PODNL1: variants seen among roughly 807,000 people sequenced by gnomAD.
The protein encoded by PODNL1 is podocan-like protein 1.
In PODNL1, 50 loss-of-function variants were observed where a neutral mutation model predicts 45.1. The observed-to-expected ratio is 1.11, with a 90% CI of 0.88 to 1.40. The LOEUF is 1.40. Ranked by LOEUF, PODNL1 falls within the 40% of genes most tolerant of loss-of-function variation. PODNL1 has a pLI of 0.00. For missense variants in PODNL1, 788 were observed against 793.3 expected (o/e 0.99, Z 0.08); for synonymous variants, 406 against 372.5 (o/e 1.09, Z -1.04).
rs114757387 is a variant in PODNL1, at chr19:13,950,405, A to G, written c.18+2714T>C. Among the ~76,000 whole-genome samples, 985 of 151,838 alleles carry G rather than the reference A, an allele frequency of 6.5e-3. 15 individuals are homozygous for G. The highest frequency in any genetic ancestry group is 0.023 in the African/African-American group (950 of 41,378). On this transcript the variant is annotated intron_variant, in intron 1 of 7. Coordinates refer to the PODNL1 transcript ENST00000538371. ...GGCTGGTCTTGATCTCGTGGGTTCA[A>G]GTGATCCTCCCTCCTCTGCTTCCCA...
intron 1 of PODNL1, among the ~76,000 whole-genome samples, chr19:13,951,879 C>G (rs1452826197): frequency 3.9e-5 from 6 of 152,236 alleles, no homozygotes; most frequent in Non-Finnish European, 5.9e-5. Context: ...CAGGGCCCTG[C>G]CACATCGAAC....
At chr19:13,948,156 C>T (rs1028130998) in intron 1 of PODNL1, among the ~76,000 whole-genome samples, 4 of 152,000 alleles carry the variant, frequency 2.6e-5, no homozygotes, top group Admixed American at 2.6e-4. Context: ...AGATTACAGG[C>T]GTGAGCCACC....
Position 13,933,335 on chromosome 19 carries a change from C to G in PODNL1, c.888G>C (p.Glu296Asp), listed in dbSNP as rs934660794. The G allele has an allele frequency of 5.0e-6, 8 of 1,604,764 alleles. No individual in the cohort carries two copies. In the African/African-American group the frequency reaches 1.1e-4, roughly 21 times the overall value. ...CACGCGCCCCGTGCAGCCGAGCCGC[C>G]TCCACCTGCCGGATGCGGTTGCGGC... ...HLGRNRIRQV[E>D]AARLHGARGL... Residue 296 changes from glutamate to aspartate, a missense_variant, in exon 8 of 10, where the codon GAG becomes GAC. Around this residue, in one of 3 missense-constraint regions of PODNL1, gnomAD observed 762 missense variants for 750.9 expected, o/e 1.01. Transcript: ENST00000588872. The surrounding 1 kb of genome is among the most constrained non-coding windows in gnomAD (Gnocchi z 5.2).
At chr19:13,944,191 G>A (rs982853527) in intron 1 of PODNL1, among the ~76,000 whole-genome samples, 9 of 151,610 alleles carry the variant, frequency 5.9e-5, no homozygotes, top group East Asian at 1.9e-4. Context: ...ACAGAGTCTC[G>A]CTCTGTCACC....
At chr19:13,944,143 T>TATTAA (rs1972743316) in intron 1 of PODNL1, among the ~76,000 whole-genome samples, 1 of 152,030 alleles carries the variant, frequency 6.6e-6, no homozygotes, top group Non-Finnish European at 1.5e-5. Context: ...TTTTGTTTTG[T>TATTAA]TTTATTTATT....
At position 13,931,613 on chromosome 19, in the gene PODNL1, G is replaced by C; in HGVS notation, c.*124C>G. On this transcript the variant is annotated 3_prime_UTR_variant, in exon 10 of 10. Coordinates refer to ENST00000588872, the MANE Select transcript of PODNL1 (RefSeq NM_001370095.3). ...TCTGTGTCTCGGCCAGTGGCAGGCAGAGCAGGCCCAGCCCTGGAGGCCCAG... is the reference window on the plus strand; with the variant it reads ...TCTGTGTCTCGGCCAGTGGCAGGCACAGCAGGCCCAGCCCTGGAGGCCCAG... The C allele has an allele frequency of 9.5e-7, 1 of 1,056,438 alleles. No homozygotes were observed. Among genetic ancestry groups the C allele is most frequent in the South Asian group, 5.0e-5 (1 of 19,938 alleles). 65.4% of individuals were successfully genotyped at this position (1,056,438 alleles called of 1,614,324 possible). A position where few individuals can be genotyped will look rare whatever the true frequency, so the allele number is the denominator to read the frequency against.
At chr19:13,952,482 G>C in intron 1 of PODNL1, 1 of 1,248,298 alleles carries the variant, frequency 8.0e-7, no homozygotes, top group Non-Finnish European at 1.0e-6. Context: ...GAAGGGGCCG[G>C]TTGCTCCGGA....
chr19:13,932,071 C>G lies in PODNL1; in HGVS notation c.1467G>C (p.Pro489=), dbSNP rs573023414. ...GCTCCTCTAGGGCCTCAGGCAGGTC[C>G]GGGGGCACAAAGGACAGCTCATTGT... ...LSHNELSFVP[P]DLPEALEELH... The change falls in exon 9 of 10, where the codon CCG becomes CCC. Residue 489 remains proline (P), a synonymous_variant. Coordinates refer to ENST00000588872, the MANE Select transcript of PODNL1 (RefSeq NM_001370095.3). 2.9e-5 allele frequency: 36 copies of G among 1,232,740 alleles called. No individual in the cohort carries two copies. In the African/African-American group the frequency reaches 4.8e-4, roughly 16 times the overall value. 76.4% of individuals were successfully genotyped at this position (1,232,740 alleles called of 1,614,324 possible).
intron 3 of PODNL1, 125 bp from the exon 4 acceptor site, chr19:13,936,169 C>G: frequency 1.0e-6 from 1 of 958,220 alleles, no homozygotes; most frequent in Admixed American, 2.3e-5. Context: ...GCCCTCAGAT[C>G]CCCTCCTCCC....
chr19:13,940,592 CTT>C (rs1211482936), upstream of PODNL1, among the ~76,000 whole-genome samples: 3 of 52,350 alleles, frequency 5.7e-5, no homozygotes, highest in African/African-American at 1.9e-4. Context: ...AAAAAAAAAA[CTT>C]AGCGGGGGCC....
intron 1 of PODNL1, among the ~76,000 whole-genome samples, chr19:13,948,341 C>T (rs8102218): frequency 0.039 from 5,892 of 150,522 alleles, 364 homozygotes; most frequent in African/African-American, 0.13. Flanking sequence ...GCTGGGACTA[C>T]AGGCGCCCGC....
In PODNL1 at chr19:13,935,669, C is replaced by T. The variant is rs528963709; in HGVS notation, c.494+52G>A. 1.8e-4 allele frequency: 238 copies of T among 1,337,868 alleles called. 1 individual carries two copies. The South Asian group carries it at 3.4e-3, about 19-fold the overall frequency. The allele number at this position is 1,337,868 out of a possible 1,614,324, so 82.9% of individuals were successfully genotyped here. On this transcript the variant is annotated intron_variant, in intron 5 of 9. Transcript: ENST00000588872. The stretch of plus-strand genomic sequence containing the variant: ...TCCCTCATTGCTCCTAGAACCGGGG[C>T]ATGACACAGATGTATCTGAGGCCTG...
At position 13,933,866 on chromosome 19, in the gene PODNL1, A is replaced by G. The variant is rs751434712; in HGVS notation, c.767+12T>C. The stretch of plus-strand genomic sequence containing the variant: ...AATTCTCAGCCCCTGCTGCCCCCCA[A>G]CCAGCCTGTACCTGAAGGTGGTGGC... On this transcript the variant is annotated intron_variant, in intron 7 of 9. Transcript: ENST00000588872. This position sits in a 1 kb window ranked among gnomAD's most constrained non-coding sequence, Gnocchi z 5.2. The G allele has an allele frequency of 5.7e-6, 9 of 1,584,676 alleles. No homozygotes were observed. Among genetic ancestry groups the G allele is most frequent in the African/African-American group, 4.0e-5 (3 of 74,128 alleles).
intron 1 of PODNL1, among the ~76,000 whole-genome samples, chr19:13,943,636 G>T (rs1185119415): frequency 6.6e-6 from 1 of 152,034 alleles, no homozygotes; most frequent in Non-Finnish European, 1.5e-5. Flanking sequence ...TAATTTTTTT[G>T]TGTTTTTAGT....
chr19:13,951,545 G>A (rs1008238403), intron 1 of PODNL1, among the ~76,000 whole-genome samples: 4 of 152,182 alleles, frequency 2.6e-5, no homozygotes, highest in Non-Finnish European at 5.9e-5. Flanking sequence ...GGCCTAGGCG[G>A]GCGGATCACC....
intron 5 of PODNL1, among the ~76,000 whole-genome samples, chr19:13,934,841 A>C (rs1171899276): frequency 6.6e-6 from 1 of 151,284 alleles, no homozygotes; most frequent in African/African-American, 2.4e-5. Flanking sequence ...ATGCCTGTGC[A>C]TAAGTGTGCA....
Position 13,931,619 on chromosome 19 carries a change from G to T in PODNL1, c.*118C>A. 9.1e-7 allele frequency: 1 copy of T among 1,094,892 alleles called. No individual in the cohort carries two copies. Among genetic ancestry groups the T allele is most frequent in the Non-Finnish European group, 1.2e-6 (1 of 864,066 alleles). 67.8% of individuals were successfully genotyped at this position (1,094,892 alleles called of 1,614,324 possible). ...TCTCGGCCAGTGGCAGGCAGAGCAG[G>T]CCCAGCCCTGGAGGCCCAGGAGAGC... On this transcript the variant is annotated 3_prime_UTR_variant, in exon 10 of 10. Coordinates refer to ENST00000588872, the MANE Select transcript of PODNL1 (RefSeq NM_001370095.3).
intron 1 of PODNL1, 66 bp from the exon 2 acceptor site, chr19:13,938,072 T>A: frequency 6.9e-7 from 1 of 1,442,198 alleles, no homozygotes; most frequent in Non-Finnish European, 9.3e-7. Flanking sequence ...GACTGGAGCA[T>A]CCCCTCCTCG....
In PODNL1 at chr19:13,931,686, G is replaced by C. The variant is rs969507003; in HGVS notation, c.*51C>G. The C allele has an allele frequency of 1.6e-6, 2 of 1,230,970 alleles. No homozygotes were observed. The highest frequency in any genetic ancestry group is 1.0e-6 in the Non-Finnish European group (1 of 987,480). The allele number at this position is 1,230,970 out of a possible 1,614,324, so 76.3% of individuals were successfully genotyped here. A position where few individuals can be genotyped will look rare whatever the true frequency, so the allele number is the denominator to read the frequency against. On this transcript the variant is annotated 3_prime_UTR_variant, in exon 10 of 10. Coordinates refer to ENST00000588872, the MANE Select transcript of PODNL1 (RefSeq NM_001370095.3). The stretch of plus-strand genomic sequence containing the variant: ...GGTGGGCGTTGTCTCCTCAGTCCAC[G>C]GCCCAGCGGAGTCCCAGGAGTCTGA...
Sources: allele counts gnomAD v4.1 joint callset (sites outside exome capture counted in the v4.1 genomes callset), GRCh38; gene constraint gnomAD v4.1.1; regional missense constraint gnomAD v4.1.1; non-coding constraint Gnocchi (gnomAD v3.1); transcripts MANE v1.5; gene names NCBI Gene and HGNC (gene_info 2026-07-23, HGNC 2026-07-21).